The following GPHN variants were observed in gnomAD, a reference collection of about 807,000 sequenced individuals.
GPHN encodes gephyrin.
A neutral mutation model predicts 95.5 loss-of-function variants in GPHN; 17 were observed. That is an observed-to-expected ratio of 0.18 (90% CI 0.12 to 0.27). The LOEUF (loss-of-function observed/expected upper bound fraction) is 0.27. Ranked by LOEUF, GPHN falls within the 10% of genes least tolerant of loss-of-function variation. The pLI is 1.00. For synonymous variants in GPHN, 320 were observed against 322.5 expected (o/e 0.99, Z 0.08); for missense variants, 660 against 978.1 (o/e 0.67, Z 4.34).
chr14:66,967,891 T>A (rs1463651161), intron 9 of GPHN, among the ~76,000 whole-genome samples: 1 of 151,860 alleles, frequency 6.6e-6, no homozygotes, highest in South Asian at 2.1e-4. Context: ...TGAGCTTTTG[T>A]GCTATGTGGA....
At chr14:67,165,299 C>T (rs2082210136) in intron 20 of GPHN, 73 bp downstream of exon 20, 2 of 923,594 alleles carry the variant, frequency 2.2e-6, no homozygotes, top group Non-Finnish European at 3.6e-6. Context: ...CTCATGTGAC[C>T]ACCTGGTTTG....
At chr14:66,852,893 T>C (rs1260582831) in intron 4 of GPHN, among the ~76,000 whole-genome samples, 2 of 152,196 alleles carry the variant, frequency 1.3e-5, no homozygotes, top group African/African-American at 2.4e-5. Context: ...TTCTGTAAGA[T>C]TTTTAGATGA....
the GPHN span, chr14:67,204,590 G>A: frequency 4.9e-5 from 79 of 1,613,678 alleles, no homozygotes; most frequent in Admixed American, 3.0e-4. Context: ...GAGAACATGA[G>A]CCTGAAAGTA....
the GPHN span, among the ~76,000 whole-genome samples, chr14:67,694,951 G>T: frequency 6.6e-6 from 1 of 152,018 alleles, no homozygotes. Flanking sequence ...GATTCACTGG[G>T]GCACTTGGCC....
At chr14:67,107,459 C>T (rs2078108172) in intron 13 of GPHN, among the ~76,000 whole-genome samples, 1 of 152,124 alleles carries the variant, frequency 6.6e-6, no homozygotes, top group South Asian at 2.1e-4. Flanking sequence ...GCAGCTTGGA[C>T]CCAGGTGCCC....
chr14:66,508,471 C>T lies in GPHN; in HGVS notation c.-57C>T, dbSNP rs1480170429. 2 of 1,539,558 alleles carry T rather than the reference C, an allele frequency of 1.3e-6. No homozygotes were observed. The highest frequency in any genetic ancestry group is 2.2e-5 in the East Asian group (1 of 44,496). ...TCGGCGAGCGCGCTCCCGGCCCGCG[C>T]GCTCCGGGCTCCGGTTTCTCCCGGC... On this transcript the variant is annotated 5_prime_UTR_variant, in exon 1 of 23. Coordinates refer to ENST00000478722, the MANE Select transcript of GPHN (RefSeq NM_020806.5).
intron 2 of GPHN, among the ~76,000 whole-genome samples, chr14:66,767,584 G>T (rs968858475): frequency 1.3e-5 from 2 of 151,824 alleles, no homozygotes; most frequent in Admixed American, 6.6e-5. Flanking sequence ...ATCTGATATG[G>T]GTATGTGTTA....
At chr14:66,905,123 T>A (rs2065312306) in intron 5 of GPHN, among the ~76,000 whole-genome samples, 1 of 152,132 alleles carries the variant, frequency 6.6e-6, no homozygotes, top group South Asian at 2.1e-4. Context: ...TCTTCATGCT[T>A]TTTGCTTTTT....
chr14:66,835,288 C>A (rs917173334), intron 4 of GPHN, among the ~76,000 whole-genome samples: 11 of 149,252 alleles, frequency 7.4e-5, no homozygotes, highest in Non-Finnish European at 1.3e-4. Flanking sequence ...TATTTCTTGC[C>A]TTCTGCTAGC....
intron 8 of GPHN, among the ~76,000 whole-genome samples, chr14:66,951,764 A>G (rs1340142288): frequency 6.6e-6 from 1 of 152,190 alleles, no homozygotes; most frequent in Non-Finnish European, 1.5e-5. Flanking sequence ...ACACCAACAC[A>G]CATATGGTCA....
At chr14:67,672,447 C>CTTTTTT in the GPHN span, among the ~76,000 whole-genome samples, 12 of 116,828 alleles carry the variant, frequency 1.0e-4, no homozygotes, top group East Asian at 2.8e-4. Context: ...CTTTTCTTTT[C>CTTTTTT]TTTTTTTTTT....
intron 1 of GPHN, among the ~76,000 whole-genome samples, chr14:66,666,952 A>G (rs1194805081): frequency 2.0e-5 from 3 of 152,222 alleles, no homozygotes; most frequent in Non-Finnish European, 4.4e-5. Context: ...CAGGATACGC[A>G]ATTAATGTGT....
At chr14:67,115,447 T>G (rs17103990) in intron 16 of GPHN, among the ~76,000 whole-genome samples, 7,829 of 152,198 alleles carry the variant, frequency 0.051, 217 homozygotes, top group Middle Eastern at 0.068. Context: ...TACATATGGT[T>G]TCAGGCCGGG....
At chr14:66,568,177 C>G (rs1260666669) in intron 1 of GPHN, among the ~76,000 whole-genome samples, 1 of 151,934 alleles carries the variant, frequency 6.6e-6, no homozygotes, top group Non-Finnish European at 1.5e-5. Context: ...CATTAATTTT[C>G]CAAAAGAAAA....
At chr14:66,580,581 A>G (rs1346230195) in intron 1 of GPHN, among the ~76,000 whole-genome samples, 1 of 151,864 alleles carries the variant, frequency 6.6e-6, no homozygotes, top group Admixed American at 6.6e-5. Context: ...AACAAATTAG[A>G]TAACCTAAAT....
the GPHN span, chr14:67,572,363 C>T: frequency 2.0e-6 from 2 of 994,438 alleles, no homozygotes; most frequent in Non-Finnish European, 2.7e-6. Flanking sequence ...TAGGCAGTAG[C>T]TGCCTGAAGT....
At position 66,553,404 on chromosome 14, in the gene GPHN, A is replaced by G. The variant is rs577066633; in HGVS notation, c.64+44813A>G. On this transcript the variant is annotated intron_variant, in intron 1 of 22. Transcript: ENST00000478722. The stretch of plus-strand genomic sequence containing the variant: ...TTCTCCTCTAGGATCACAGTTACAT[A>G]TATTTCAAACAATATGAAATTGTCC... Among the ~76,000 whole-genome samples, 5 of 152,246 alleles carry G rather than the reference A, an allele frequency of 3.3e-5. No individual in the cohort carries two copies. In the South Asian group the frequency reaches 1.0e-3, roughly 32 times the overall value.
the GPHN span, chr14:67,674,538 C>T: frequency 6.6e-7 from 1 of 1,504,106 alleles, no homozygotes; most frequent in Non-Finnish European, 8.9e-7. Context: ...GGGCCCTGGG[C>T]CCTTTCCTAG....
the GPHN span, among the ~76,000 whole-genome samples, chr14:67,548,641 G>A: frequency 6.6e-6 from 1 of 152,194 alleles, no homozygotes; most frequent in Non-Finnish European, 1.5e-5. Context: ...AGGTTGCGGT[G>A]AGCCAAGATT....
Sources: allele counts gnomAD v4.1 joint callset (sites outside exome capture counted in the v4.1 genomes callset), GRCh38; gene constraint gnomAD v4.1.1; transcripts MANE v1.5; gene names NCBI Gene and HGNC (gene_info 2026-07-23, HGNC 2026-07-21).